Variants in ATXN10 observed in about 807,000 individuals in gnomAD.
The protein encoded by ATXN10 is ataxin 10, also known as ataxin-10.
In ATXN10, 28 loss-of-function variants were observed where a neutral mutation model predicts 52.9. That is an observed-to-expected ratio of 0.53 (90% confidence interval 0.39 to 0.73). ATXN10 has a LOEUF of 0.73. Ranked by LOEUF, ATXN10 falls within the 30% of genes least tolerant of loss-of-function variation. The pLI, the probability that ATXN10 is intolerant of heterozygous loss-of-function variation, is 0.00. For synonymous variants in ATXN10, 226 were observed against 221.5 expected (o/e 1.02, Z -0.18); for missense variants, 565 against 577.0 (o/e 0.98, Z 0.21).
chr22:45,742,985 C>G (rs1158416075), intron 9 of ATXN10, among the ~76,000 whole-genome samples: 1 of 152,230 alleles, frequency 6.6e-6, no homozygotes, highest in Non-Finnish European at 1.5e-5. Flanking sequence ...CTAATTTGGA[C>G]TGGCCTCTTA....
intron 5 of ATXN10, among the ~76,000 whole-genome samples, chr22:45,704,842 T>C (rs1923978203): frequency 6.6e-6 from 1 of 152,202 alleles, no homozygotes; most frequent in African/African-American, 2.4e-5. Flanking sequence ...CAGACATATG[T>C]TTCTTATTTA....
intron 10 of ATXN10, among the ~76,000 whole-genome samples, chr22:45,830,671 A>C (rs1928960091): frequency 6.6e-6 from 1 of 151,658 alleles, no homozygotes; most frequent in Non-Finnish European, 1.5e-5. Flanking sequence ...CACATCCATG[A>C]GGATAGCCAC....
rs1031484551 is a variant in ATXN10 at position 45,759,572 on chromosome 22, G to C, written c.1173+19034G>C. ...AGGGTGAGGGTTCCGTACTCTTCTT[G>C]TGCCATGAAGCAGGAGGAAAGGCCT... On this transcript the variant is annotated intron_variant, in intron 9 of 11. Coordinates refer to ENST00000252934, the MANE Select transcript of ATXN10 (RefSeq NM_013236.4). This position sits in a 1 kb window ranked among gnomAD's most constrained non-coding sequence, Gnocchi z 5.4. Among the ~76,000 whole-genome samples, 6 of 152,158 alleles carry C rather than the reference G, an allele frequency of 3.9e-5. No homozygotes were observed. The highest frequency in any genetic ancestry group is 3.9e-4 in the Admixed American group (6 of 15,280).
chr22:45,694,741 C>T (rs1923523037), intron 3 of ATXN10, among the ~76,000 whole-genome samples: 1 of 151,568 alleles, frequency 6.6e-6, no homozygotes. Context: ...GAGATCGTGC[C>T]ATTGCACTCC....
chr22:45,702,756 A>T lies in ATXN10; in HGVS notation c.556A>T (p.Asn186Tyr), dbSNP rs781081008. Residue 186 changes from asparagine to tyrosine, a missense_variant, in exon 5 of 12, where the codon AAT (asparagine) becomes TAT (tyrosine). Physicochemically the swap from Asn to Tyr is moderately radical, Grantham distance 143. Coordinates refer to ENST00000252934, the MANE Select transcript of ATXN10 (RefSeq NM_013236.4). ...TTCAATGATTTTGTTTACATCCCTT[A>T]ATCATGAAAGAATGAAAGAACTGGA... ...YSSMILFTSL[N>Y]HERMKELEEN... 6.2e-7 allele frequency: 1 copy of T among 1,613,920 alleles called. No individual in the cohort carries two copies.
rs2146852566 is a variant in ATXN10, at chr22:45,780,421, C to T, written c.1174-26538C>T. ...TCATGAGAGCAGGGTGTGAAAGCCC[C>T]CTTGTTGCCTGTTTCAGAATTTATG... On this transcript the variant is annotated intron_variant, in intron 9 of 11. Transcript: ENST00000252934. This position sits in a 1 kb window ranked among gnomAD's most constrained non-coding sequence, Gnocchi z 4.0. 6.6e-6 allele frequency among the ~76,000 whole-genome samples: 1 copy of T among 152,264 alleles called. No homozygotes were observed. Among genetic ancestry groups the T allele is most frequent in the East Asian group, 1.9e-4 (1 of 5,168 alleles).
At position 45,672,028 on chromosome 22, in the gene ATXN10, C is replaced by G. The variant is rs549058216; in HGVS notation, c.-36C>G. On this transcript the variant is annotated 5_prime_UTR_variant, in exon 1 of 12. Transcript: ENST00000252934. The stretch of plus-strand genomic sequence containing the variant: ...CCCCTTCGTCCTCCTCGCCTTCCTC[C>G]TCCTCGTCAGGCTCGACCCAGCTGT... 50 of 1,530,290 alleles carry G rather than the reference C, an allele frequency of 3.3e-5. No homozygotes were observed. The highest frequency in any genetic ancestry group is 1.4e-5 in the African/African-American group (1 of 72,542). The allele number at this position is 1,530,290 out of a possible 1,614,324, so 94.8% of individuals were successfully genotyped here.
In ATXN10 at chr22:45,843,722, T is replaced by C. The variant is rs1163271387; in HGVS notation, c.*51T>C. ...TTTTGGAATCTGTTTCATGGATTTT[T>C]CATCTTCTACCGTATGTGAAATTGC... On this transcript the variant is annotated 3_prime_UTR_variant, in exon 12 of 12. Coordinates refer to ENST00000252934, the MANE Select transcript of ATXN10 (RefSeq NM_013236.4). This position sits in a 1 kb window ranked among gnomAD's most constrained non-coding sequence, Gnocchi z 4.5. 5.1e-6 allele frequency: 8 copies of C among 1,564,472 alleles called. No individual in the cohort carries two copies. The Admixed American group carries it at 1.0e-4, about 20-fold the overall frequency.
In ATXN10 at chr22:45,690,442, T is replaced by G. The variant is rs1275153821; in HGVS notation, c.308+539T>G. 6.6e-6 allele frequency among the ~76,000 whole-genome samples: 1 copy of G among 152,138 alleles called. No homozygotes were observed. Among genetic ancestry groups the G allele is most frequent in the Non-Finnish European group, 1.5e-5 (1 of 68,030 alleles). ...AGTGTGTTTAACATTAGGGGTTAGA[T>G]TTCTTGTTTGTTTTTATCACATGTT... is the stretch of plus-strand genomic sequence containing the variant. On this transcript the variant is annotated intron_variant, in intron 2 of 11. Coordinates refer to ENST00000252934, the MANE Select transcript of ATXN10 (RefSeq NM_013236.4). This position sits in a 1 kb window ranked among gnomAD's most constrained non-coding sequence, Gnocchi z 4.5.
rs959970775 is a variant in ATXN10 at position 45,775,860 on chromosome 22, C to T, written c.1174-31099C>T. ...AGATCATTCCGCCCCTCACAGCCAG[C>T]CGGGAGGTAACATTAACATCCGTTT... On this transcript the variant is annotated intron_variant, in intron 9 of 11. Coordinates refer to ENST00000252934, the MANE Select transcript of ATXN10 (RefSeq NM_013236.4). This position sits in a 1 kb window ranked among gnomAD's most constrained non-coding sequence, Gnocchi z 4.7. Among the ~76,000 whole-genome samples, 2 of 152,122 alleles carry T rather than the reference C, an allele frequency of 1.3e-5. No homozygotes were observed. The highest frequency in any genetic ancestry group is 1.3e-4 in the Admixed American group (2 of 15,272).
intron 9 of ATXN10, among the ~76,000 whole-genome samples, chr22:45,778,955 T>C (rs1927053646): frequency 6.6e-6 from 1 of 152,166 alleles, no homozygotes; most frequent in African/African-American, 2.4e-5. Context: ...ATACAGAGTA[T>C]CAGAGGATCT....
At chr22:45,771,264 C>T (rs1926767422) in intron 9 of ATXN10, among the ~76,000 whole-genome samples, 1 of 152,174 alleles carries the variant, frequency 6.6e-6, no homozygotes, top group Non-Finnish European at 1.5e-5. Flanking sequence ...TCTGCACATC[C>T]TCGTCAGCTC....
At chr22:45,821,422 T>C (rs1928645222) in intron 10 of ATXN10, among the ~76,000 whole-genome samples, 1 of 150,378 alleles carries the variant, frequency 6.6e-6, no homozygotes, top group Admixed American at 6.6e-5. Flanking sequence ...GAAATCCTAA[T>C]GGGTTTTCAA....
At chr22:45,760,688 AATG>A (rs1413111448) in intron 9 of ATXN10, 1 of 154,014 alleles carries the variant, frequency 6.5e-6, no homozygotes, top group African/African-American at 2.4e-5. Flanking sequence ...TACCTCATTT[AATG>A]ATGATACCTC....
chr22:45,693,178 A>G (rs1923453211), intron 3 of ATXN10, 100 bp downstream of exon 3: 2 of 957,032 alleles, frequency 2.1e-6, no homozygotes, highest in Non-Finnish European at 3.3e-6. Flanking sequence ...CATGTTCTGT[A>G]TTTCATGAGA....
At chr22:45,804,888 A>T (rs1166887647) in intron 9 of ATXN10, among the ~76,000 whole-genome samples, 1 of 152,146 alleles carries the variant, frequency 6.6e-6, no homozygotes, top group Non-Finnish European at 1.5e-5. Context: ...TCTTGTTCAG[A>T]GTATTTAAAA....
At chr22:45,741,378 T>C (rs1194405224) in intron 9 of ATXN10, among the ~76,000 whole-genome samples, 1 of 152,226 alleles carries the variant, frequency 6.6e-6, no homozygotes, top group Admixed American at 6.5e-5. Flanking sequence ...TTAACTGGTC[T>C]AGCTGATTCT....
In ATXN10 at chr22:45,763,018, G is replaced by A. The variant is rs1022310304; in HGVS notation, c.1173+22480G>A. ...GAATGCACAGAAGCATTTAAGAAGC[G>A]CTTTGTAAAGCCATGGCCTCTCCTG... is the stretch of plus-strand genomic sequence containing the variant. On this transcript the variant is annotated intron_variant, in intron 9 of 11. Transcript: ENST00000252934. The surrounding 1 kb of genome is among the most constrained non-coding windows in gnomAD (Gnocchi z 6.9). Among the ~76,000 whole-genome samples the A allele has an allele frequency of 5.9e-5, 9 of 152,194 alleles. No homozygotes were observed. The highest frequency in any genetic ancestry group is 1.0e-4 in the Non-Finnish European group (7 of 68,038).
intron 6 of ATXN10, among the ~76,000 whole-genome samples, chr22:45,726,036 C>T (rs551791351): frequency 1.3e-5 from 2 of 152,122 alleles, no homozygotes; most frequent in East Asian, 1.9e-4. Flanking sequence ...TTTGCTGTGC[C>T]GATGGATTCA....
Sources: allele counts gnomAD v4.1 joint callset (sites outside exome capture counted in the v4.1 genomes callset), GRCh38; gene constraint gnomAD v4.1.1; non-coding constraint Gnocchi (gnomAD v3.1); transcripts MANE v1.5; gene names NCBI Gene and HGNC (gene_info 2026-07-23, HGNC 2026-07-21).